Variants in IDE observed in about 807,000 individuals in gnomAD.
IDE encodes the protein insulin-degrading enzyme.
In IDE, 58 loss-of-function variants were observed where a neutral mutation model predicts 133.2. The observed-to-expected ratio is 0.44, with a 90% CI of 0.35 to 0.54. The LOEUF (loss-of-function observed/expected upper bound fraction) is 0.54, where lower values mean the gene tolerates loss of function less well. Ranked by LOEUF, IDE falls within the 20% of genes least tolerant of loss-of-function variation. The pLI is 0.00. For synonymous variants in IDE, 396 were observed against 421.3 expected, an observed-to-expected ratio of 0.94 and a Z score of 0.73; for missense variants, 981 against 1,234.0, an observed-to-expected ratio of 0.79 and a Z score of 3.07.
chr10:92,475,889 C>T lies in IDE; in HGVS notation c.1990G>A (p.Glu664Lys). ...IDEKRFEIIK[E>K]AYMRSLNNFR... ...GCAGGGTTCAGAAAACTTACTGCTT[C>T]TTTGATAATTTCAAATCTTTTTTCA... The change falls in exon 16 of 25, where the codon GAA (glutamate) becomes AAA (lysine). Residue 664 changes from glutamate (E) to lysine (K), a missense_variant. Glu to Lys is a moderately conservative substitution (Grantham distance 56, BLOSUM62 1). Coordinates refer to ENST00000265986, the MANE Select transcript of IDE (RefSeq NM_004969.4). The T allele has an allele frequency of 7.7e-7, 1 of 1,300,590 alleles. No individual in the cohort carries two copies. The highest frequency in any genetic ancestry group is 1.3e-5 in the South Asian group (1 of 75,000). The allele number at this position is 1,300,590 out of a possible 1,614,324, so 80.6% of individuals were successfully genotyped here.
chr10:92,507,024 G>A (rs746492952), intron 9 of IDE, among the ~76,000 whole-genome samples: 4 of 151,774 alleles, frequency 2.6e-5, no homozygotes, highest in South Asian at 2.1e-4. Flanking sequence ...TGAGAATCTC[G>A]ATAGGCTTTA....
At chr10:92,481,147 G>C (rs1846584525) in intron 14 of IDE, among the ~76,000 whole-genome samples, 1 of 152,168 alleles carries the variant, frequency 6.6e-6, no homozygotes, top group South Asian at 2.1e-4. Flanking sequence ...AAACAAAAGA[G>C]AGGATATCAC....
intron 11 of IDE, among the ~76,000 whole-genome samples, chr10:92,491,527 T>A (rs1372912538): frequency 6.6e-6 from 1 of 151,890 alleles, no homozygotes; most frequent in Non-Finnish European, 1.5e-5. Flanking sequence ...AACCTCTGCC[T>A]CCCGGGTTCA....
At chr10:92,479,199 C>A in intron 15 of IDE, 78 bp downstream of exon 15, 8 of 1,000,506 alleles carry the variant, frequency 8.0e-6, no homozygotes, top group South Asian at 4.0e-5. Flanking sequence ...AAACTCACAC[C>A]CTCAATCAAA....
At chr10:92,458,484 C>A in intron 22 of IDE, among the ~76,000 whole-genome samples, 1 of 141,174 alleles carries the variant, frequency 7.1e-6, no homozygotes, top group Non-Finnish European at 1.5e-5. Flanking sequence ...TATAAATACT[C>A]TCTCTGTTTT....
intron 22 of IDE, among the ~76,000 whole-genome samples, chr10:92,458,041 C>T (rs933214190): frequency 1.3e-5 from 2 of 152,184 alleles, no homozygotes; most frequent in South Asian, 4.1e-4. Context: ...TCATTACCCC[C>T]TTGTCTACCC....
chr10:92,549,895 T>C (rs1009217024), intron 1 of IDE, among the ~76,000 whole-genome samples: 2 of 152,150 alleles, frequency 1.3e-5, no homozygotes, highest in South Asian at 4.2e-4. Context: ...TGTTTAACAC[T>C]CCACCAAGTT....
intron 1 of IDE, among the ~76,000 whole-genome samples, chr10:92,566,480 TATG>T (rs1843557637): frequency 6.6e-6 from 1 of 151,730 alleles, no homozygotes; most frequent in South Asian, 2.1e-4. Context: ...AACTGGAGGT[TATG>T]ATGATAAGTG....
intron 1 of IDE, among the ~76,000 whole-genome samples, chr10:92,555,221 G>A (rs983175685): frequency 1.3e-5 from 2 of 152,048 alleles, no homozygotes; most frequent in East Asian, 1.9e-4. Flanking sequence ...TAAAGAGGCC[G>A]GGCACAGTGG....
At chr10:92,513,519 G>A (rs1026934311) in intron 5 of IDE, among the ~76,000 whole-genome samples, 101 of 152,104 alleles carry the variant, frequency 6.6e-4, no homozygotes, top group African/African-American at 2.1e-3. Flanking sequence ...AAAATTTTGT[G>A]GGGGGGATAT....
At chr10:92,550,223 G>T (rs1842717028) in intron 1 of IDE, among the ~76,000 whole-genome samples, 2 of 151,928 alleles carry the variant, frequency 1.3e-5, no homozygotes, top group Non-Finnish European at 2.9e-5. Flanking sequence ...CTGTGCAAAG[G>T]ACACAGTGAA....
At chr10:92,474,047 T>A (rs1189394207) in intron 17 of IDE, among the ~76,000 whole-genome samples, 1 of 151,988 alleles carries the variant, frequency 6.6e-6, no homozygotes, top group Non-Finnish European at 1.5e-5. Flanking sequence ...TCAGAGCATT[T>A]AGTCTGCAGA....
Position 92,463,795 on chromosome 10 carries a change from C to A in IDE, c.2697G>T (p.Lys899Asn). The change falls in exon 21 of 25, where the codon AAG (lysine) becomes AAT (asparagine). Residue 899 changes from lysine to asparagine, a missense_variant. Transcript: ENST00000265986. ...LAIRRLDKPK[K>N]LSAECAKYWG... ...AGTATTTAGCACACTCAGCAGATAGCTTCTTTGGTTTGTCTAGTCGACGAA... is the reference window on the plus strand; with the variant it reads ...AGTATTTAGCACACTCAGCAGATAGATTCTTTGGTTTGTCTAGTCGACGAA... 6.2e-7 allele frequency: 1 copy of A among 1,614,124 alleles called. No individual in the cohort carries two copies. The highest frequency in any genetic ancestry group is 1.6e-4 in the Middle Eastern group (1 of 6,062).
intron 5 of IDE, among the ~76,000 whole-genome samples, chr10:92,510,808 T>C (rs1007492828): frequency 1.3e-5 from 2 of 150,760 alleles, no homozygotes; most frequent in Non-Finnish European, 3.0e-5. Flanking sequence ...AGCACATACA[T>C]ATCACATATA....
At chr10:92,551,153 G>A (rs901462540) in intron 1 of IDE, among the ~76,000 whole-genome samples, 16 of 152,220 alleles carry the variant, frequency 1.1e-4, no homozygotes, top group Admixed American at 9.8e-4. Context: ...TGGAAGTCAC[G>A]CCAGTGTCCA....
At chr10:92,550,544 G>A (rs1033335364) in intron 1 of IDE, among the ~76,000 whole-genome samples, 13 of 151,442 alleles carry the variant, frequency 8.6e-5, no homozygotes, top group South Asian at 2.1e-4. Flanking sequence ...CCAGCCAATC[G>A]GGAGGCTGAG....
chr10:92,514,782 C>T, intron 5 of IDE, 138 bp downstream of exon 5: 1 of 635,554 alleles, frequency 1.6e-6, no homozygotes, highest in Non-Finnish European at 2.6e-6. Flanking sequence ...CCTATGTATT[C>T]TCTAACAAGT....
At chr10:92,565,381 G>A (rs567840239) in intron 1 of IDE, among the ~76,000 whole-genome samples, 21 of 144,504 alleles carry the variant, frequency 1.5e-4, no homozygotes, top group Non-Finnish European at 2.8e-4. Context: ...CTGCACTCCA[G>A]CCTGGGCAAC....
intron 5 of IDE, among the ~76,000 whole-genome samples, chr10:92,510,809 A>ACATATGATATATAGCACATACATC (rs1564635697): frequency 2.0e-4 from 30 of 149,988 alleles, no homozygotes; most frequent in African/African-American, 7.1e-4. Context: ...GCACATACAT[A>ACATATGATATATAGCACATACATC]TCACATATAT....
Sources: allele counts gnomAD v4.1 joint callset (sites outside exome capture counted in the v4.1 genomes callset), GRCh38; gene constraint gnomAD v4.1.1; transcripts MANE v1.5; gene names NCBI Gene and HGNC (gene_info 2026-07-23, HGNC 2026-07-21).